The following NOS1AP variants were observed in gnomAD, a reference collection of about 807,000 sequenced individuals.
The protein encoded by NOS1AP is nitric oxide synthase 1 adaptor protein, also known as carboxyl-terminal PDZ ligand of neuronal nitric oxide synthase protein.
In NOS1AP, 21 loss-of-function variants were observed where a neutral mutation model predicts 56.2. That is an observed-to-expected ratio of 0.37 (90% CI 0.26 to 0.54). The LOEUF (loss-of-function observed/expected upper bound fraction) is 0.54. NOS1AP is among the 20% of genes least tolerant of loss of function. NOS1AP has a pLI of 0.84. For synonymous variants in NOS1AP, 270 were observed against 274.6 expected, an observed-to-expected ratio of 0.98 and a Z score of 0.17; for missense variants, 522 against 657.8, an observed-to-expected ratio of 0.79 and a Z score of 2.26.
chr1:162,264,446 T>TCTCCTCTCCTCTCC (rs1557855253), intron 2 of NOS1AP, among the ~76,000 whole-genome samples: 3 of 1,528 alleles, frequency 2.0e-3, no homozygotes, highest in African/African-American at 5.1e-3. Context: ...TTCTCTTCTC[T>TCTCCTCTCCTCTCC]TCTCTTCTCT....
intron 4 of NOS1AP, among the ~76,000 whole-genome samples, chr1:162,308,520 T>G (rs1181050537): frequency 1.3e-5 from 2 of 152,138 alleles, no homozygotes; most frequent in Non-Finnish European, 2.9e-5. Flanking sequence ...GGGCTGGTGC[T>G]GAGGTCACTG....
intron 4 of NOS1AP, among the ~76,000 whole-genome samples, chr1:162,322,824 G>C (rs747106481): frequency 3.3e-5 from 5 of 152,144 alleles, no homozygotes; most frequent in African/African-American, 4.8e-5. Flanking sequence ...TGTAACATGG[G>C]ACTAATTTCT....
At chr1:162,253,838 G>A (rs1653941632) in intron 2 of NOS1AP, among the ~76,000 whole-genome samples, 1 of 152,050 alleles carries the variant, frequency 6.6e-6, no homozygotes, top group Admixed American at 6.5e-5. Context: ...ACACAGATGA[G>A]TAGTTTAGCT....
chr1:162,196,721 G>GA (rs952638244), intron 2 of NOS1AP, among the ~76,000 whole-genome samples: 1 of 152,008 alleles, frequency 6.6e-6, no homozygotes, highest in African/African-American at 2.4e-5. Flanking sequence ...AAAGTGCTTT[G>GA]AAAAAATGCA....
chr1:162,166,592 C>T (rs1471056150), intron 2 of NOS1AP, among the ~76,000 whole-genome samples: 5 of 152,166 alleles, frequency 3.3e-5, no homozygotes, highest in Admixed American at 3.3e-4. Flanking sequence ...TTTTGTGTTA[C>T]CATTACACTC....
At chr1:162,289,229 C>CT (rs560679456) in intron 3 of NOS1AP, among the ~76,000 whole-genome samples, 1,225 of 21,822 alleles carry the variant, frequency 0.056, 67 homozygotes, top group East Asian at 0.33. Context: ...TCCTTCCTTC[C>CT]TTCCTTCCTT....
chr1:162,077,193 C>T (rs1691787515), intron 1 of NOS1AP, among the ~76,000 whole-genome samples: 1 of 152,032 alleles, frequency 6.6e-6, no homozygotes, highest in Non-Finnish European at 1.5e-5. Context: ...ACCTTTCCAC[C>T]AGCAGTGTGT....
At chr1:162,284,015 C>T (rs139119127) in intron 2 of NOS1AP, among the ~76,000 whole-genome samples, 7 of 152,230 alleles carry the variant, frequency 4.6e-5, no homozygotes, top group African/African-American at 1.4e-4. Flanking sequence ...TCCTGTGGAA[C>T]ACAGATGCTT....
At chr1:162,230,729 A>G (rs970218750) in intron 2 of NOS1AP, among the ~76,000 whole-genome samples, 2 of 152,218 alleles carry the variant, frequency 1.3e-5, no homozygotes, top group Non-Finnish European at 2.9e-5. Flanking sequence ...TATCTCATAT[A>G]AGTGGAATTA....
intron 1 of NOS1AP, among the ~76,000 whole-genome samples, chr1:162,090,331 A>G (rs1446432082): frequency 7.9e-5 from 12 of 151,400 alleles, no homozygotes; most frequent in Admixed American, 7.3e-4. Flanking sequence ...TATAATTTGT[A>G]TACAGTTAAA....
At chr1:162,171,808 T>A (rs1473218769) in intron 2 of NOS1AP, among the ~76,000 whole-genome samples, 1 of 152,100 alleles carries the variant, frequency 6.6e-6, no homozygotes, top group African/African-American at 2.4e-5. Context: ...GTCATGCTTC[T>A]CCTCATGGCC....
At chr1:162,091,294 A>G (rs1692125133) in intron 1 of NOS1AP, among the ~76,000 whole-genome samples, 1 of 152,092 alleles carries the variant, frequency 6.6e-6, no homozygotes, top group South Asian at 2.1e-4. Flanking sequence ...TTCCAGGTTC[A>G]GCGGCAGTTC....
intron 2 of NOS1AP, among the ~76,000 whole-genome samples, chr1:162,252,094 CA>C (rs1437610877): frequency 6.6e-6 from 1 of 151,936 alleles, no homozygotes; most frequent in Non-Finnish European, 1.5e-5. Flanking sequence ...AGCTGGAATG[CA>C]GTGGTGCAAT....
At position 162,314,302 on chromosome 1, in the gene NOS1AP, CCCTAGA is replaced by C. The variant is rs1209675665; in HGVS notation, c.344+13597_344+13602del. Reference sequence around the variant, plus strand: ...TCTGGATCCGCCTCTCTGGGCCTGGCCCTAGAGGGCATCTTTTACACTAATGATGGA... The same window carrying C: ...TCTGGATCCGCCTCTCTGGGCCTGGCGGGCATCTTTTACACTAATGATGGA... On this transcript the variant is annotated intron_variant, in intron 4 of 9. Transcript: ENST00000361897. Among the ~76,000 whole-genome samples the C allele has an allele frequency of 5.9e-5, 9 of 152,156 alleles. 1 individual carries two copies. The highest frequency in any genetic ancestry group is 1.3e-4 in the Admixed American group (2 of 15,280).
chr1:162,125,130 C>CTTTTTTTTTTTTTTTTTTTTTTTTTTTT (rs56264198), intron 1 of NOS1AP, among the ~76,000 whole-genome samples: 3 of 124,138 alleles, frequency 2.4e-5, no homozygotes, highest in Admixed American at 8.1e-5. Flanking sequence ...GTTTCTGACT[C>CTTTTTTTTTTTTTTTTTTTTTTTTTTTT]TTTTTTTTTT....
chr1:162,224,094 T>G (rs1278266163), intron 2 of NOS1AP, among the ~76,000 whole-genome samples: 1 of 151,962 alleles, frequency 6.6e-6, no homozygotes, highest in Non-Finnish European at 1.5e-5. Flanking sequence ...GGCTGTAGAG[T>G]CATTAACTTG....
intron 2 of NOS1AP, among the ~76,000 whole-genome samples, chr1:162,240,807 T>C (rs940990434): frequency 2.0e-5 from 3 of 152,232 alleles, no homozygotes; most frequent in Non-Finnish European, 4.4e-5. Context: ...ATACTAAGTA[T>C]TGGGGATTTC....
At chr1:162,300,781 C>T in intron 4 of NOS1AP, 75 bp downstream of exon 4, 1 of 1,315,464 alleles carries the variant, frequency 7.6e-7, no homozygotes, top group South Asian at 1.2e-5. Flanking sequence ...ACCTGTCAGG[C>T]TGGTGGATCC....
intron 1 of NOS1AP, among the ~76,000 whole-genome samples, chr1:162,084,268 A>G (rs890197389): frequency 6.6e-6 from 1 of 152,106 alleles, no homozygotes; most frequent in Non-Finnish European, 1.5e-5. Flanking sequence ...TTTGGATATT[A>G]TGTTATGAGC....
Sources: allele counts gnomAD v4.1 joint callset (sites outside exome capture counted in the v4.1 genomes callset), GRCh38; gene constraint gnomAD v4.1.1; transcripts MANE v1.5; gene names NCBI Gene and HGNC (gene_info 2026-07-23, HGNC 2026-07-21).